NFIL3: variants seen among roughly 807,000 people sequenced by gnomAD.
NFIL3 encodes the protein nuclear factor, interleukin 3 regulated, also known as nuclear factor interleukin-3-regulated protein.
Under a neutral mutation model 10.0 loss-of-function variants are expected in NFIL3, and 5 were observed. That is an observed-to-expected ratio of 0.50 (90% CI 0.26 to 1.06). The LOEUF (loss-of-function observed/expected upper bound fraction) is 1.06. Among genes scored for constraint, NFIL3 ranks in the 50% least tolerant of loss-of-function variants. NFIL3 has a pLI of 0.13. For synonymous variants in NFIL3, 202 were observed against 206.5 expected (o/e 0.98, Z 0.19); for missense variants, 436 against 547.6 (o/e 0.80, Z 2.03).
the NFIL3 span, among the ~76,000 whole-genome samples, chr9:91,480,415 C>T: frequency 6.6e-6 from 1 of 152,082 alleles, no homozygotes; most frequent in Non-Finnish European, 1.5e-5. Flanking sequence ...GAATATTCTA[C>T]TAGTAGCATT....
chr9:91,422,503 G>A (rs1420576849), intron 1 of NFIL3, among the ~76,000 whole-genome samples: 1 of 151,908 alleles, frequency 6.6e-6, no homozygotes, highest in African/African-American at 2.4e-5. Context: ...ATTCTTAAAG[G>A]CTGAGACTGT....
chr9:91,455,012 C>A, the NFIL3 span, among the ~76,000 whole-genome samples: 1 of 152,104 alleles, frequency 6.6e-6, no homozygotes, highest in Non-Finnish European at 1.5e-5. Flanking sequence ...ATGCTCTTTG[C>A]CTCCAGTTAT....
intron 1 of NFIL3, among the ~76,000 whole-genome samples, chr9:91,414,700 T>C (rs1383310814): frequency 6.6e-6 from 1 of 152,232 alleles, no homozygotes; most frequent in Non-Finnish European, 1.5e-5. Flanking sequence ...TCTTAGGATA[T>C]TTTCTGTAAT....
chr9:91,449,630 C>T, the NFIL3 span, among the ~76,000 whole-genome samples: 2 of 152,062 alleles, frequency 1.3e-5, no homozygotes, highest in South Asian at 4.1e-4. Flanking sequence ...AGGATTTTTG[C>T]ATTTCTATTC....
At chr9:91,482,365 T>C in the NFIL3 span, among the ~76,000 whole-genome samples, 1 of 152,070 alleles carries the variant, frequency 6.6e-6, no homozygotes, top group African/African-American at 2.4e-5. Context: ...GTGAAAGTTA[T>C]GGCAAAGAGT....
At chr9:91,476,647 G>A in the NFIL3 span, among the ~76,000 whole-genome samples, 1 of 151,422 alleles carries the variant, frequency 6.6e-6, no homozygotes, top group South Asian at 2.1e-4. Flanking sequence ...GTCTATGAAC[G>A]CAATTCACTA....
At chr9:91,453,101 TTCTGAGAGCTG>T in the NFIL3 span, among the ~76,000 whole-genome samples, 2 of 152,080 alleles carry the variant, frequency 1.3e-5, no homozygotes, top group Non-Finnish European at 2.9e-5. Context: ...GTTTGGTTCT[TTCTGAGAGCTG>T]TGAAGGAAAG....
the NFIL3 span, among the ~76,000 whole-genome samples, chr9:91,435,699 T>G: frequency 1.3e-5 from 2 of 152,222 alleles, no homozygotes; most frequent in Non-Finnish European, 2.9e-5. Flanking sequence ...ACTACCATTC[T>G]ATTCTGTGAC....
chr9:91,447,102 C>T, the NFIL3 span, among the ~76,000 whole-genome samples: 1 of 152,140 alleles, frequency 6.6e-6, no homozygotes, highest in Non-Finnish European at 1.5e-5. Context: ...AGATGTGAGC[C>T]ACTGCGCCCG....
Position 91,410,663 on chromosome 9 carries a change from C to G in NFIL3, c.72G>C (p.Lys24Asn), listed in dbSNP as rs771414117. ...TTAAAGCAGAATTAAGGACCATCAT[C>G]TTGTCCACATTGCTACTGGCATCAA... is the stretch of plus-strand genomic sequence containing the variant. The part of the protein sequence containing the change: ...ASLDASSNVD[K>N]MMVLNSALTE... Residue 24 changes from lysine (K) to asparagine (N), a missense_variant, in exon 2 of 2, where the codon AAG becomes AAC. By Grantham distance (94) the Lys-to-Asn change is moderately conservative (BLOSUM62 0). Transcript: ENST00000297689. This position sits in a 1 kb window ranked among gnomAD's most constrained non-coding sequence, Gnocchi z 5.7. 6.2e-7 allele frequency: 1 copy of G among 1,613,768 alleles called. No individual in the cohort carries two copies. Among genetic ancestry groups the G allele is most frequent in the South Asian group, 1.1e-5 (1 of 90,922 alleles).
chr9:91,412,124 C>A lies in NFIL3; in HGVS notation c.-172-1218G>T, dbSNP rs12555564. On this transcript the variant is annotated intron_variant, in intron 1 of 1. Coordinates refer to ENST00000297689, the MANE Select transcript of NFIL3 (RefSeq NM_005384.3). Reference sequence around the variant, plus strand: ...AAAAAAAAAAAAAAAAAAAAAAAAACCCCACACAAAACAAAAAAACACTTA... The same window carrying A: ...AAAAAAAAAAAAAAAAAAAAAAAAAACCCACACAAAACAAAAAAACACTTA... Among the ~76,000 whole-genome samples, 709 of 88,334 alleles carry A rather than the reference C, an allele frequency of 8.0e-3. 11 individuals carry two copies. The highest frequency in any genetic ancestry group is 0.023 in the African/African-American group (429 of 18,408). The allele number at this position is 88,334 out of a possible 152,430, so 58.0% of individuals were successfully genotyped here. A position where few individuals can be genotyped will look rare whatever the true frequency, so the allele number is the denominator to read the frequency against.
intron 1 of NFIL3, among the ~76,000 whole-genome samples, chr9:91,417,267 T>C (rs1365167994): frequency 1.3e-5 from 2 of 152,170 alleles, no homozygotes; most frequent in Non-Finnish European, 2.9e-5. Context: ...CTCCCTGTTA[T>C]ATAATACAGA....
At chr9:91,475,880 A>G in the NFIL3 span, among the ~76,000 whole-genome samples, 1 of 152,258 alleles carries the variant, frequency 6.6e-6, no homozygotes, top group African/African-American at 2.4e-5. Context: ...CAAATGCAAA[A>G]ATACTAACTG....
At chr9:91,432,568 C>G in the NFIL3 span, among the ~76,000 whole-genome samples, 1 of 152,184 alleles carries the variant, frequency 6.6e-6, no homozygotes, top group African/African-American at 2.4e-5. Flanking sequence ...GACTCTCAGT[C>G]TTGCAGAGAA....
the NFIL3 span, among the ~76,000 whole-genome samples, chr9:91,448,209 T>G: frequency 6.6e-6 from 1 of 152,208 alleles, no homozygotes; most frequent in African/African-American, 2.4e-5. Flanking sequence ...CTTGTTCATT[T>G]TGGGTTGCTA....
chr9:91,481,413 A>G, the NFIL3 span, among the ~76,000 whole-genome samples: 1 of 152,268 alleles, frequency 6.6e-6, no homozygotes, highest in Admixed American at 6.5e-5. Context: ...TTCACATCAA[A>G]ATATGTATTT....
chr9:91,465,693 G>A, the NFIL3 span, among the ~76,000 whole-genome samples: 3 of 151,682 alleles, frequency 2.0e-5, no homozygotes, highest in Admixed American at 6.6e-5. Flanking sequence ...AATGCTTGAC[G>A]TGCTATATTG....
chr9:91,441,767 A>G, the NFIL3 span, among the ~76,000 whole-genome samples: 1 of 152,168 alleles, frequency 6.6e-6, no homozygotes, highest in South Asian at 2.1e-4. Context: ...GTCACATATA[A>G]AAACTCTAGA....
intron 1 of NFIL3, among the ~76,000 whole-genome samples, chr9:91,415,037 C>G (rs1833626922): frequency 6.6e-6 from 1 of 152,092 alleles, no homozygotes; most frequent in African/African-American, 2.4e-5. Flanking sequence ...CAGAGAGATT[C>G]TCTTATTCAT....
Sources: allele counts gnomAD v4.1 joint callset (sites outside exome capture counted in the v4.1 genomes callset), GRCh38; gene constraint gnomAD v4.1.1; non-coding constraint Gnocchi (gnomAD v3.1); transcripts MANE v1.5; gene names NCBI Gene and HGNC (gene_info 2026-07-23, HGNC 2026-07-21).